The following SERPIND1 variants were observed in gnomAD, a reference collection of about 807,000 sequenced individuals.
The protein encoded by SERPIND1 is heparin cofactor 2.
SERPIND1 carries 34 observed loss-of-function variants against 35.0 expected under a neutral mutation model. The ratio of observed to expected loss-of-function variants is 0.97; its 90% CI spans 0.74 to 1.29. The LOEUF (loss-of-function observed/expected upper bound fraction) is 1.29, where lower values mean the gene tolerates loss of function less well. Among genes scored for constraint, SERPIND1 ranks in the 50% most tolerant of loss-of-function variants. The pLI, the probability that SERPIND1 is intolerant of heterozygous loss-of-function variation, is 0.00. For synonymous variants in SERPIND1, 236 were observed against 241.1 expected (o/e 0.98, Z 0.19); for missense variants, 633 against 637.7 (o/e 0.99, Z 0.08).
At chr22:20,782,266 T>A (rs1933856962) in intron 2 of SERPIND1, among the ~76,000 whole-genome samples, 1 of 152,144 alleles carries the variant, frequency 6.6e-6, no homozygotes, top group South Asian at 2.1e-4. Context: ...GGAGAAATGA[T>A]CAGGCATGGT....
chr22:20,782,966 GA>G (rs1343217776), intron 2 of SERPIND1, among the ~76,000 whole-genome samples: 3 of 135,154 alleles, frequency 2.2e-5, no homozygotes, highest in Non-Finnish European at 4.7e-5. Flanking sequence ...CCACCAGCTA[GA>G]AACCTTGAAC....
intron 2 of SERPIND1, among the ~76,000 whole-genome samples, chr22:20,781,197 A>G (rs370703092): frequency 1.3e-5 from 2 of 152,326 alleles, no homozygotes; most frequent in African/African-American, 4.8e-5. Context: ...AATCCTAGGA[A>G]TAAATAAGCA....
At chr22:20,778,459 G>A (rs178034) in intron 1 of SERPIND1, among the ~76,000 whole-genome samples, 69,557 of 151,962 alleles carry the variant, frequency 0.46, 16,516 homozygotes, top group African/African-American at 0.57. Context: ...AGCCGAGATC[G>A]CGCCACTGCA....
At chr22:20,784,540 C>A (rs1934053564) in intron 3 of SERPIND1, among the ~76,000 whole-genome samples, 1 of 152,106 alleles carries the variant, frequency 6.6e-6, no homozygotes, top group South Asian at 2.1e-4. Flanking sequence ...GCTTCATCAT[C>A]CCTAAAATGG....
chr22:20,779,750 C>A lies in SERPIND1; in HGVS notation c.438C>A (p.Asn146Lys), dbSNP rs769102912. 6.2e-7 allele frequency: 1 copy of A among 1,614,236 alleles called. No individual in the cohort carries two copies. The highest frequency in any genetic ancestry group is 1.1e-5 in the South Asian group (1 of 91,088). ...NLYRVLKDQV[N>K]TFDNIFIAPV... ...ACCGAGTGCTGAAAGACCAGGTCAACACTTTCGATAACATCTTCATAGCAC... is the reference window on the plus strand; with the variant it reads ...ACCGAGTGCTGAAAGACCAGGTCAAAACTTTCGATAACATCTTCATAGCAC... The change falls in exon 2 of 5, where the codon AAC becomes AAA. Residue 146 changes from asparagine (N) to lysine (K), a missense_variant. By Grantham distance (94) the Asn-to-Lys change is moderately conservative. Coordinates refer to ENST00000215727, the MANE Select transcript of SERPIND1 (RefSeq NM_000185.4).
rs926680461 is a variant in SERPIND1, at chr22:20,784,205, C to A, written c.1123C>A (p.Pro375Thr). 1.9e-6 allele frequency: 3 copies of A among 1,614,182 alleles called. No homozygotes were observed. The highest frequency in any genetic ancestry group is 1.7e-6 in the Non-Finnish European group (2 of 1,180,040). ...GAAGACCCTCGAAGCGCAACTGACA[C>A]CCCGGGTGGTGGAGAGATGGCAAAA... ...GMKTLEAQLT[P>T]RVVERWQKSM... Residue 375 changes from proline to threonine, a missense_variant, in exon 3 of 5, where the codon CCC becomes ACC. Physicochemically the swap from Pro to Thr is conservative, Grantham distance 38 (BLOSUM62 -1). Transcript: ENST00000215727.
rs1240814536 is a variant in SERPIND1 at position 20,786,962 on chromosome 22, CAA to C, written c.1397_1398del (p.Gln466ArgfsTer39). On this transcript the variant is annotated frameshift_variant, in exon 5 of 5. Coordinates refer to ENST00000215727, the MANE Select transcript of SERPIND1 (RefSeq NM_000185.4). LOFTEE classifies it high-confidence loss of function. ...TTVGFMPLST[Q>X]VRFTVDRPFL... ...GGTGGGGTTCATGCCGCTGTCCACC[CAA>C]GTCCGCTTCACTGTCGACCGCCCCT... 6.2e-7 allele frequency: 1 copy of C among 1,614,180 alleles called. No individual in the cohort carries two copies.
At chr22:20,776,205 C>T (rs947104859) in intron 1 of SERPIND1, among the ~76,000 whole-genome samples, 5 of 152,102 alleles carry the variant, frequency 3.3e-5, no homozygotes, top group African/African-American at 1.2e-4. Flanking sequence ...CACCTGTGGT[C>T]CCAGCTACTT....
At position 20,787,242 on chromosome 22, in the gene SERPIND1, A is replaced by G; in HGVS notation, c.*176A>G. The G allele has an allele frequency of 3.1e-6, 2 of 654,536 alleles. No homozygotes were observed. The highest frequency in any genetic ancestry group is 5.4e-6 in the Non-Finnish European group (2 of 367,256). The allele number at this position is 654,536 out of a possible 1,614,324, so 40.5% of individuals were successfully genotyped here. ...CAAGAAGAGAGGCTTGTTGGAATCAATTCTGCACAATAGCCCATGCTGTAA... is the reference window on the plus strand; with the variant it reads ...CAAGAAGAGAGGCTTGTTGGAATCAGTTCTGCACAATAGCCCATGCTGTAA... On this transcript the variant is annotated 3_prime_UTR_variant, in exon 5 of 5. Transcript: ENST00000215727.
In SERPIND1 at chr22:20,774,773, A is replaced by AG. The variant is rs201634787; in HGVS notation, c.-17+628_-17+629insG. 2.2e-3 allele frequency among the ~76,000 whole-genome samples: 339 copies of AG among 151,850 alleles called. 4 individuals are homozygous for AG. The East Asian group carries it at 0.054, about 24-fold the overall frequency. On this transcript the variant is annotated intron_variant, in intron 1 of 4. Transcript: ENST00000215727. ...TAGACTCCGTCAAAAAAAAAAAAAAAAAGAAGAAAAAAGAAAAAATGTTAG... is the reference window on the plus strand; with the variant it reads ...TAGACTCCGTCAAAAAAAAAAAAAAAGAAGAAGAAAAAAGAAAAAATGTTAG...
At chr22:20,776,979 A>G (rs1430032383) in intron 1 of SERPIND1, among the ~76,000 whole-genome samples, 3 of 152,136 alleles carry the variant, frequency 2.0e-5, no homozygotes, top group East Asian at 1.9e-4. Flanking sequence ...TGGGCCTCAA[A>G]TATCTATCTA....
intron 1 of SERPIND1, among the ~76,000 whole-genome samples, chr22:20,774,423 T>C (rs1483710304): frequency 2.0e-5 from 3 of 152,218 alleles, no homozygotes; most frequent in Non-Finnish European, 1.5e-5. Context: ...TGATTATGTA[T>C]GAGAATATCC....
At chr22:20,774,596 A>C (rs1196006730) in intron 1 of SERPIND1, among the ~76,000 whole-genome samples, 2 of 152,154 alleles carry the variant, frequency 1.3e-5, no homozygotes, top group Non-Finnish European at 2.9e-5. Flanking sequence ...CCAAGTCTCT[A>C]CTAAAAATAC....
Position 20,787,283 on chromosome 22 carries a change from T to C in SERPIND1, c.*217T>C, listed in dbSNP as rs1934325499. ...CATGCTGTAAGCTCATAGAAGTCAC[T>C]GTAACTGTAGTGTGTCTGCTGTTAC... On this transcript the variant is annotated 3_prime_UTR_variant, in exon 5 of 5. Coordinates refer to ENST00000215727, the MANE Select transcript of SERPIND1 (RefSeq NM_000185.4). 5 of 589,106 alleles carry C rather than the reference T, an allele frequency of 8.5e-6. No individual in the cohort carries two copies. Among genetic ancestry groups the C allele is most frequent in the Non-Finnish European group, 1.2e-5 (4 of 329,072 alleles). The allele number at this position is 589,106 out of a possible 1,614,324, so 36.5% of individuals were successfully genotyped here. A position where few individuals can be genotyped will look rare whatever the true frequency, so the allele number is the denominator to read the frequency against.
intron 1 of SERPIND1, among the ~76,000 whole-genome samples, chr22:20,776,206 C>T (rs978483649): frequency 6.6e-6 from 1 of 152,054 alleles, no homozygotes; most frequent in African/African-American, 2.4e-5. Flanking sequence ...ACCTGTGGTC[C>T]CAGCTACTTC....
Position 20,787,673 on chromosome 22 carries a change from C to A in SERPIND1, c.*607C>A. ...CCTGTGACCTGGAGGACAGTGTGTG[C>A]CATGTCTCCCATACTAGAGATAAAT... On this transcript the variant is annotated 3_prime_UTR_variant, in exon 5 of 5. Transcript: ENST00000215727. 1 of 161,724 alleles carries A rather than the reference C, an allele frequency of 6.2e-6. No individual in the cohort carries two copies. Among genetic ancestry groups the A allele is most frequent in the Non-Finnish European group, 1.4e-5 (1 of 72,792 alleles). 10.0% of individuals were successfully genotyped at this position (161,724 alleles called of 1,614,324 possible). A position where few individuals can be genotyped will look rare whatever the true frequency, so the allele number is the denominator to read the frequency against.
In SERPIND1 at chr22:20,787,045, G is replaced by A; in HGVS notation, c.1479G>A (p.Val493=). The A allele has an allele frequency of 6.2e-7, 1 of 1,614,032 alleles. No individual in the cohort carries two copies. Among genetic ancestry groups the A allele is most frequent in the African/African-American group, 1.3e-5 (1 of 75,044 alleles). ...GCTGCCTGCTCTTCATGGGAAGAGT[G>A]GCCAACCCCAGCAGGTCCTAGAGGT... ...RTSCLLFMGR[V]ANPSRS is the part of the protein sequence containing the mutation. The change falls in exon 5 of 5, where the codon GTG becomes GTA. Residue 493 remains valine (V), a synonymous_variant. Coordinates refer to ENST00000215727, the MANE Select transcript of SERPIND1 (RefSeq NM_000185.4).
intron 2 of SERPIND1, among the ~76,000 whole-genome samples, chr22:20,780,962 T>C (rs1203518017): frequency 1.3e-5 from 2 of 152,024 alleles, no homozygotes; most frequent in Non-Finnish European, 2.9e-5. Flanking sequence ...CAATTATCAA[T>C]AAGCAGGAAT....
intron 4 of SERPIND1, 112 bp downstream of exon 4, chr22:20,786,260 G>A: frequency 1.7e-6 from 2 of 1,205,334 alleles, no homozygotes; most frequent in South Asian, 1.2e-5. Context: ...AGCTTGGGGT[G>A]CTGAGTCTGC....
Sources: gnomAD v4.1 joint callset for allele counts (sites outside exome capture counted in the v4.1 genomes callset) on GRCh38, gnomAD v4.1.1 for gene constraint, MANE v1.5 for transcripts, NCBI Gene and HGNC (gene_info 2026-07-23, HGNC 2026-07-21) for gene names.